NELL1: variants seen among roughly 807,000 people sequenced by gnomAD.
The protein encoded by NELL1 is neural EGFL like 1, also known as protein kinase C-binding protein NELL1.
In NELL1, 76 loss-of-function variants were observed where a neutral mutation model predicts 107.4. That is an observed-to-expected ratio of 0.71 (90% confidence interval 0.59 to 0.86). The LOEUF (loss-of-function observed/expected upper bound fraction) is 0.86. Ranked by LOEUF, NELL1 falls within the 40% of genes least tolerant of loss-of-function variation. The pLI, the probability that NELL1 is intolerant of heterozygous loss-of-function variation, is 0.00. For missense variants in NELL1, 1,024 were observed against 1,005.5 expected, an observed-to-expected ratio of 1.02 and a Z score of -0.25; for synonymous variants, 353 against 341.2, an observed-to-expected ratio of 1.03 and a Z score of -0.38.
At chr11:21,406,085 G>GAAAT (rs1164523763) in intron 15 of NELL1, among the ~76,000 whole-genome samples, 1 of 151,832 alleles carries the variant, frequency 6.6e-6, no homozygotes, top group Non-Finnish European at 1.5e-5. Flanking sequence ...TAGAGAAACA[G>GAAAT]AAATAAAAAC....
intron 2 of NELL1, among the ~76,000 whole-genome samples, chr11:20,726,331 G>A (rs1855507903): frequency 6.6e-6 from 1 of 152,088 alleles, no homozygotes. Flanking sequence ...ATAAAGAAAT[G>A]TGTACAAATT....
Position 20,847,512 on chromosome 11 carries a change from G to T in NELL1, c.336-71G>T, listed in dbSNP as rs1397634793. 6.8e-6 allele frequency: 10 copies of T among 1,475,462 alleles called. 1 individual carries two copies. In the East Asian group the frequency reaches 2.4e-4, roughly 35 times the overall value. 91.4% of individuals were successfully genotyped at this position (1,475,462 alleles called of 1,614,324 possible). A position where few individuals can be genotyped will look rare whatever the true frequency, so the allele number is the denominator to read the frequency against. ...GATTGTGAGAGACCTGGTAGTAAGGGGTTGAGGGATTGATGATGGCTGTGA... is the reference window on the plus strand; with the variant it reads ...GATTGTGAGAGACCTGGTAGTAAGGTGTTGAGGGATTGATGATGGCTGTGA... On this transcript the variant is annotated intron_variant, in intron 3 of 19. Coordinates refer to ENST00000357134, the MANE Select transcript of NELL1 (RefSeq NM_006157.5).
intron 12 of NELL1, 91 bp downstream of exon 12, chr11:20,960,651 T>A: frequency 1.4e-6 from 2 of 1,431,852 alleles, no homozygotes; most frequent in Non-Finnish European, 1.9e-6. Flanking sequence ...AACTATCACT[T>A]GGCTGTGGTC....
At chr11:20,986,563 C>T (rs1296961576) in intron 12 of NELL1, among the ~76,000 whole-genome samples, 3 of 152,100 alleles carry the variant, frequency 2.0e-5, no homozygotes, top group Non-Finnish European at 4.4e-5. Flanking sequence ...ACCCAGGTGC[C>T]TGGGCCCCAC....
At chr11:21,497,324 A>T (rs532125601) in intron 15 of NELL1, among the ~76,000 whole-genome samples, 1 of 152,290 alleles carries the variant, frequency 6.6e-6, no homozygotes, top group East Asian at 1.9e-4. Flanking sequence ...AATATTTTTA[A>T]AAAAAGTAGA....
chr11:21,463,875 G>A (rs1284619798), intron 15 of NELL1, among the ~76,000 whole-genome samples: 2 of 152,108 alleles, frequency 1.3e-5, no homozygotes, highest in African/African-American at 4.8e-5. Context: ...GATGTGACTT[G>A]AATGGCTGAA....
At chr11:21,426,425 A>G (rs568565800) in intron 15 of NELL1, among the ~76,000 whole-genome samples, 10 of 152,358 alleles carry the variant, frequency 6.6e-5, no homozygotes, top group Middle Eastern at 6.8e-3. Flanking sequence ...GACTTTTATG[A>G]GCATCATAAA....
intron 14 of NELL1, among the ~76,000 whole-genome samples, chr11:21,275,254 A>G (rs919071430): frequency 8.5e-5 from 13 of 152,372 alleles, no homozygotes; most frequent in African/African-American, 2.9e-4. Flanking sequence ...AACTACCATC[A>G]GAGAATGCTA....
At chr11:21,053,012 GACC>G (rs1442856054) in intron 12 of NELL1, among the ~76,000 whole-genome samples, 1 of 152,092 alleles carries the variant, frequency 6.6e-6, no homozygotes, top group East Asian at 1.9e-4. Context: ...TTTGATATTA[GACC>G]ACCCACTGAA....
chr11:20,975,798 A>G (rs1451330188), intron 12 of NELL1, among the ~76,000 whole-genome samples: 3 of 134,444 alleles, frequency 2.2e-5, no homozygotes, highest in Non-Finnish European at 4.5e-5. Flanking sequence ...TATATGTATT[A>G]TATGATATAC....
intron 2 of NELL1, among the ~76,000 whole-genome samples, chr11:20,732,915 A>T (rs1855680768): frequency 1.3e-5 from 2 of 152,184 alleles, no homozygotes; most frequent in Non-Finnish European, 2.9e-5. Context: ...CTGGTGATAC[A>T]GTGGGGAACA....
chr11:20,828,471 T>C (rs1232608437), intron 3 of NELL1, among the ~76,000 whole-genome samples: 2 of 152,206 alleles, frequency 1.3e-5, no homozygotes, highest in African/African-American at 4.8e-5. Flanking sequence ...CCTTAATGAT[T>C]GGTATGAGGA....
At chr11:21,280,000 GA>G (rs1159110699) in intron 14 of NELL1, among the ~76,000 whole-genome samples, 3 of 152,152 alleles carry the variant, frequency 2.0e-5, no homozygotes, top group Admixed American at 6.6e-5. Flanking sequence ...ATGACATGAT[GA>G]AAAAGGCAAA....
chr11:20,791,730 G>GTTTTTTTTTTTTTTTTTTTTTTTTT (rs368213562), intron 3 of NELL1, among the ~76,000 whole-genome samples: 3 of 79,496 alleles, frequency 3.8e-5, no homozygotes, highest in Non-Finnish European at 2.9e-5. Flanking sequence ...CAGTCTGGAG[G>GTTTTTTTTTTTTTTTTTTTTTTTTT]TTTTTTTTTT....
chr11:21,330,416 T>C (rs1038734879), intron 14 of NELL1, among the ~76,000 whole-genome samples: 6 of 152,138 alleles, frequency 3.9e-5, no homozygotes, highest in African/African-American at 9.6e-5. Context: ...GTGCCTTTAC[T>C]AGCAACAAAT....
chr11:21,275,020 G>C (rs183513358), intron 14 of NELL1, among the ~76,000 whole-genome samples: 170 of 152,270 alleles, frequency 1.1e-3, no homozygotes, highest in Non-Finnish European at 1.9e-3. Flanking sequence ...ACATTCAAAA[G>C]CTAGCAGAAG....
chr11:21,115,331 AACACACACACACACACAC>A (rs66507806), intron 13 of NELL1, among the ~76,000 whole-genome samples: 10 of 140,706 alleles, frequency 7.1e-5, no homozygotes, highest in East Asian at 2.2e-4. Context: ...GTCTACATCA[AACACACACACACACACAC>A]ACACACACAC....
intron 13 of NELL1, among the ~76,000 whole-genome samples, chr11:21,208,319 C>G (rs1187114695): frequency 6.6e-6 from 1 of 151,676 alleles, no homozygotes; most frequent in African/African-American, 2.4e-5. Flanking sequence ...ATGCATAACT[C>G]CCGTTTATCT....
intron 13 of NELL1, among the ~76,000 whole-genome samples, chr11:21,222,303 C>T (rs1227820408): frequency 6.6e-6 from 1 of 152,034 alleles, no homozygotes; most frequent in Non-Finnish European, 1.5e-5. Flanking sequence ...CCTCAGCCTC[C>T]CGAGTAGCTG....
Sources: gnomAD v4.1 joint callset for allele counts (sites outside exome capture counted in the v4.1 genomes callset) on GRCh38, gnomAD v4.1.1 for gene constraint, MANE v1.5 for transcripts, NCBI Gene and HGNC (gene_info 2026-07-23, HGNC 2026-07-21) for gene names.